Variants in ADGRB3 observed in about 807,000 individuals in gnomAD.
The protein encoded by ADGRB3 is brain-specific angiogenesis inhibitor 3.
Under a neutral mutation model 193.4 loss-of-function variants are expected in ADGRB3, and 37 were observed. That is an observed-to-expected ratio of 0.19 (90% CI 0.15 to 0.25). The LOEUF (loss-of-function observed/expected upper bound fraction) is 0.25. Among genes scored for constraint, ADGRB3 ranks in the 10% least tolerant of loss-of-function variants. ADGRB3 has a pLI of 1.00. For missense variants in ADGRB3, 1,637 were observed against 1,852.9 expected (o/e 0.88, Z 2.14); for synonymous variants, 690 against 644.2 (o/e 1.07, Z -1.08).
At chr6:69,009,850 G>A (rs569543384) in intron 11 of ADGRB3, among the ~76,000 whole-genome samples, 2 of 152,180 alleles carry the variant, frequency 1.3e-5, no homozygotes, top group East Asian at 3.9e-4. Flanking sequence ...GAAATTGCTA[G>A]CCTAATCTAC....
intron 3 of ADGRB3, among the ~76,000 whole-genome samples, chr6:68,770,553 T>C (rs547460383): frequency 1.3e-5 from 2 of 152,292 alleles, no homozygotes; most frequent in East Asian, 3.9e-4. Flanking sequence ...GGGTTGGTGA[T>C]TATTTTCAAG....
intron 3 of ADGRB3, among the ~76,000 whole-genome samples, chr6:68,884,047 CTTTG>C (rs1045749458): frequency 3.9e-5 from 6 of 152,256 alleles, no homozygotes; most frequent in East Asian, 3.9e-4. Flanking sequence ...ATTCAGAGTG[CTTTG>C]TTTGGCACTA....
In ADGRB3 at chr6:69,345,619, C is replaced by T. The variant is rs1769067743; in HGVS notation, c.3459+6115C>T. 3.9e-5 allele frequency among the ~76,000 whole-genome samples: 6 copies of T among 152,194 alleles called. 1 individual carries two copies. The South Asian group carries it at 1.2e-3, about 32-fold the overall frequency. On this transcript the variant is annotated intron_variant, in intron 26 of 31. Coordinates refer to ENST00000370598, the MANE Select transcript of ADGRB3 (RefSeq NM_001704.3). ...GGAACGTAGCTCAAAATAATAAGAG[C>T]TATTTATGACAAACCCACAGCCAAT... is the stretch of plus-strand genomic sequence containing the variant.
At chr6:69,234,738 A>C (rs1766223874) in intron 18 of ADGRB3, among the ~76,000 whole-genome samples, 1 of 152,116 alleles carries the variant, frequency 6.6e-6, no homozygotes, top group Non-Finnish European at 1.5e-5. Context: ...ATGTTGACCA[A>C]GTTGTAGTTT....
At chr6:69,260,450 A>C (rs1376825649) in intron 20 of ADGRB3, among the ~76,000 whole-genome samples, 1 of 152,120 alleles carries the variant, frequency 6.6e-6, no homozygotes, top group Non-Finnish European at 1.5e-5. Context: ...ATTTGTATTA[A>C]TATTAGGACT....
chr6:69,139,359 T>C (rs1253679646), intron 17 of ADGRB3, among the ~76,000 whole-genome samples: 2 of 152,224 alleles, frequency 1.3e-5, no homozygotes, highest in Non-Finnish European at 1.5e-5. Flanking sequence ...AGTACCCTGT[T>C]AGTACAAAAA....
chr6:68,858,901 C>G (rs922568609), intron 3 of ADGRB3, among the ~76,000 whole-genome samples: 42 of 152,224 alleles, frequency 2.8e-4, no homozygotes, highest in African/African-American at 1.0e-3. Context: ...CTCTCACATG[C>G]CCTTGAGACA....
intron 11 of ADGRB3, among the ~76,000 whole-genome samples, chr6:68,997,016 T>C (rs1769404158): frequency 6.6e-6 from 1 of 152,190 alleles, no homozygotes. Flanking sequence ...TTAAAGGGAA[T>C]ATATTCTTTT....
chr6:69,375,619 G>A (rs1331451460), intron 30 of ADGRB3, among the ~76,000 whole-genome samples: 1 of 152,074 alleles, frequency 6.6e-6, no homozygotes, highest in Non-Finnish European at 1.5e-5. Context: ...CAGACAATTA[G>A]GTAAGTTGTT....
intron 3 of ADGRB3, among the ~76,000 whole-genome samples, chr6:68,891,797 G>T (rs1482800614): frequency 6.6e-6 from 1 of 152,126 alleles, no homozygotes; most frequent in Non-Finnish European, 1.5e-5. Flanking sequence ...TGAAGGGAAA[G>T]GAATTAGAGA....
chr6:69,211,899 AT>A (rs1428282607), intron 17 of ADGRB3, among the ~76,000 whole-genome samples: 2 of 152,216 alleles, frequency 1.3e-5, no homozygotes, highest in African/African-American at 4.8e-5. Flanking sequence ...AACCACATGT[AT>A]TTTACATAGT....
chr6:69,261,768 A>G (rs868140426), intron 20 of ADGRB3, among the ~76,000 whole-genome samples: 1 of 152,164 alleles, frequency 6.6e-6, no homozygotes, highest in Admixed American at 6.5e-5. Context: ...AGGCCAAAGC[A>G]TTTTTACATT....
At chr6:69,200,092 T>C (rs2150357566) in intron 17 of ADGRB3, among the ~76,000 whole-genome samples, 1 of 152,128 alleles carries the variant, frequency 6.6e-6, no homozygotes, top group South Asian at 2.1e-4. Flanking sequence ...CTGGTTTATG[T>C]ATGTTTTTGT....
At chr6:69,012,025 G>A (rs1223751736) in intron 11 of ADGRB3, among the ~76,000 whole-genome samples, 1 of 151,924 alleles carries the variant, frequency 6.6e-6, no homozygotes, top group Non-Finnish European at 1.5e-5. Flanking sequence ...TGTTTGGTTG[G>A]CCCAACATGT....
chr6:68,820,704 G>A (rs112694279), intron 3 of ADGRB3, among the ~76,000 whole-genome samples: 1,749 of 151,890 alleles, frequency 0.012, 35 homozygotes, highest in African/African-American at 0.037. Context: ...CAGTAAGTTC[G>A]TTTTAGTTTT....
chr6:69,049,068 G>C (rs1307368241), intron 14 of ADGRB3, among the ~76,000 whole-genome samples: 1 of 152,130 alleles, frequency 6.6e-6, no homozygotes, highest in East Asian at 1.9e-4. Flanking sequence ...GGTAAAGGAA[G>C]TTTCCTTCGT....
intron 17 of ADGRB3, among the ~76,000 whole-genome samples, chr6:69,106,922 G>A (rs1054406296): frequency 1.3e-5 from 2 of 152,140 alleles, no homozygotes; most frequent in Admixed American, 1.3e-4. Context: ...ATGAAAACCT[G>A]CCTAGTAGAA....
At chr6:69,104,383 T>C (rs1466406735) in intron 17 of ADGRB3, among the ~76,000 whole-genome samples, 1 of 151,870 alleles carries the variant, frequency 6.6e-6, no homozygotes. Flanking sequence ...TTTCTATGGC[T>C]GCATAGTATT....
intron 10 of ADGRB3, among the ~76,000 whole-genome samples, chr6:68,987,181 T>C (rs1306888578): frequency 6.6e-6 from 1 of 152,082 alleles, no homozygotes; most frequent in East Asian, 1.9e-4. Flanking sequence ...TAAAAGGAAA[T>C]ATGAAAATTA....
Sources: gnomAD v4.1 joint callset for allele counts (sites outside exome capture counted in the v4.1 genomes callset) on GRCh38, gnomAD v4.1.1 for gene constraint, MANE v1.5 for transcripts, NCBI Gene and HGNC (gene_info 2026-07-23, HGNC 2026-07-21) for gene names.